NFE2L2: variants seen among roughly 807,000 people sequenced by gnomAD.
NFE2L2 encodes the protein NFE2 like bZIP transcription factor 2, also known as nuclear factor erythroid 2-related factor 2.
NFE2L2 carries 20 observed loss-of-function variants against 49.6 expected under a neutral mutation model. The ratio of observed to expected loss-of-function variants is 0.40; its 90% CI spans 0.28 to 0.59. The LOEUF is 0.59. NFE2L2 is among the 20% of genes least tolerant of loss of function. NFE2L2 has a pLI of 0.40. For synonymous variants in NFE2L2, 244 were observed against 256.5 expected (o/e 0.95, Z 0.47); for missense variants, 578 against 714.2 (o/e 0.81, Z 2.17).
chr2:177,258,075 T>C (rs1424118166), intron 1 of NFE2L2, among the ~76,000 whole-genome samples: 2 of 152,206 alleles, frequency 1.3e-5, no homozygotes, highest in African/African-American at 4.8e-5. Context: ...TCATGAGGGA[T>C]ATGGCCTGGG....
chr2:177,245,729 C>T (rs941148869), intron 1 of NFE2L2, among the ~76,000 whole-genome samples: 2 of 152,142 alleles, frequency 1.3e-5, no homozygotes, highest in Non-Finnish European at 2.9e-5. Flanking sequence ...CCTGCCTCAG[C>T]CTCCCGAGTA....
At chr2:177,240,341 G>C (rs1689898713) in intron 1 of NFE2L2, among the ~76,000 whole-genome samples, 1 of 152,208 alleles carries the variant, frequency 6.6e-6, no homozygotes, top group Non-Finnish European at 1.5e-5. Context: ...GCAGGTAGAT[G>C]GGTTGCACAG....
At chr2:177,232,057 T>A (rs754471366) in intron 4 of NFE2L2, 49 bp from the exon 5 acceptor site, 2 of 1,498,682 alleles carry the variant, frequency 1.3e-6, no homozygotes, top group African/African-American at 2.8e-5. Flanking sequence ...TAATCCATGA[T>A]AATACGTGAT....
intron 1 of NFE2L2, among the ~76,000 whole-genome samples, chr2:177,258,012 C>G (rs150874658): frequency 1.2e-3 from 188 of 152,332 alleles, no homozygotes; most frequent in African/African-American, 4.3e-3. Flanking sequence ...AGAATCCCCT[C>G]AGAATCTTTA....
chr2:177,263,642 G>A (rs1055161898), intron 1 of NFE2L2: 290 of 985,504 alleles, frequency 2.9e-4, no homozygotes, highest in Middle Eastern at 1.0e-3. Flanking sequence ...GGCCACGCGC[G>A]CGGTGAGCGC....
intron 1 of NFE2L2, among the ~76,000 whole-genome samples, chr2:177,259,167 C>T (rs1021718013): frequency 2.6e-5 from 4 of 151,986 alleles, no homozygotes; most frequent in East Asian, 3.9e-4. Context: ...CCGGGCGTGG[C>T]GGCACACACT....
In NFE2L2 at chr2:177,259,931, CA is replaced by C. The variant is rs994682243; in HGVS notation, c.45+4600del. Among the ~76,000 whole-genome samples the C allele has an allele frequency of 8.3e-4, 120 of 145,226 alleles. 2 individuals are homozygous for C. Among genetic ancestry groups the C allele is most frequent in the African/African-American group, 2.5e-3 (98 of 39,558 alleles). On this transcript the variant is annotated intron_variant, in intron 1 of 4. Coordinates refer to ENST00000397062, the MANE Select transcript of NFE2L2 (RefSeq NM_006164.5). ...TGGGCGACAGAGCAAGACTGCGTCT[CA>C]AAAAAAAAAGCCATCTGTATTTCTC...
intron 1 of NFE2L2, among the ~76,000 whole-genome samples, chr2:177,243,387 C>T (rs770764079): frequency 6.6e-6 from 1 of 152,236 alleles, no homozygotes; most frequent in Non-Finnish European, 1.5e-5. Context: ...CAATCCAGCA[C>T]ATTCACACCG....
chr2:177,251,536 G>A (rs967936372), intron 1 of NFE2L2, among the ~76,000 whole-genome samples: 3 of 152,160 alleles, frequency 2.0e-5, no homozygotes, highest in African/African-American at 4.8e-5. Flanking sequence ...CCGGGGCAAC[G>A]TGTGGGGCCT....
At chr2:177,263,747 A>ACGAGG in intron 1 of NFE2L2, 2 of 985,438 alleles carry the variant, frequency 2.0e-6, no homozygotes, top group Non-Finnish European at 2.4e-6. Context: ...CCGCGGCGTT[A>ACGAGG]CGAGGGGCCA....
At chr2:177,233,482 C>G in intron 2 of NFE2L2, 143 bp from the exon 3 acceptor site, 5 of 703,192 alleles carry the variant, frequency 7.1e-6, no homozygotes, top group Non-Finnish European at 1.2e-5. Flanking sequence ...CACTTTGATG[C>G]ACAATTTGAA....
At chr2:177,240,019 G>A (rs969917505) in intron 1 of NFE2L2, among the ~76,000 whole-genome samples, 1 of 151,224 alleles carries the variant, frequency 6.6e-6, no homozygotes. Flanking sequence ...GCTCACTACT[G>A]TATTTTGTGC....
At chr2:177,246,765 A>G (rs1025655686) in intron 1 of NFE2L2, among the ~76,000 whole-genome samples, 1 of 134,840 alleles carries the variant, frequency 7.4e-6, no homozygotes, top group African/African-American at 2.9e-5. Context: ...ATGCCTGGCT[A>G]ATATTTTACT....
chr2:177,242,900 T>TG (rs376920257), intron 1 of NFE2L2, among the ~76,000 whole-genome samples: 1,928 of 144,542 alleles, frequency 0.013, 37 homozygotes, highest in African/African-American at 0.047. Flanking sequence ...GGAGGTTTTG[T>TG]TTTTTTTTTG....
intron 1 of NFE2L2, among the ~76,000 whole-genome samples, chr2:177,254,732 T>A (rs1690458187): frequency 6.6e-6 from 1 of 152,104 alleles, no homozygotes; most frequent in East Asian, 1.9e-4. Context: ...TGTCTGTAGG[T>A]CATTAGACAA....
chr2:177,232,258 C>T, intron 4 of NFE2L2, 134 bp downstream of exon 4: 4 of 962,662 alleles, frequency 4.2e-6, no homozygotes, highest in Non-Finnish European at 6.0e-6. Context: ...ATTTAACTAG[C>T]ATGGGCAGTA....
At chr2:177,254,774 AACAAGCAGAGAATAGGGATTATGG>A (rs1451847378) in intron 1 of NFE2L2, among the ~76,000 whole-genome samples, 2 of 152,220 alleles carry the variant, frequency 1.3e-5, no homozygotes, top group African/African-American at 4.8e-5. Context: ...GAAGGAGTAA[AACAAGCAGAGAATAGGGATTATGG>A]ACAGTCAAAA....
intron 1 of NFE2L2, among the ~76,000 whole-genome samples, chr2:177,258,495 G>T (rs549757889): frequency 6.6e-6 from 1 of 152,286 alleles, no homozygotes; most frequent in Admixed American, 6.5e-5. Flanking sequence ...TCTTTTGAGG[G>T]TGTTGAAAAT....
At chr2:177,263,411 G>A (rs1342876172) in intron 1 of NFE2L2, 6 of 985,370 alleles carry the variant, frequency 6.1e-6, no homozygotes, top group African/African-American at 1.7e-5. Flanking sequence ...ACCCTTGACA[G>A]CACAGAAGAG....
Sources: gnomAD v4.1 joint callset for allele counts (sites outside exome capture counted in the v4.1 genomes callset) on GRCh38, gnomAD v4.1.1 for gene constraint, MANE v1.5 for transcripts, NCBI Gene and HGNC (gene_info 2026-07-23, HGNC 2026-07-21) for gene names.